PBRM1: variants seen among roughly 807,000 people sequenced by gnomAD.
PBRM1 encodes polybromo 1.
A neutral mutation model predicts 194.5 loss-of-function variants in PBRM1; 27 were observed. That is an observed-to-expected ratio of 0.14 (90% CI 0.10 to 0.19). The LOEUF (loss-of-function observed/expected upper bound fraction) is 0.19, where lower values mean the gene tolerates loss of function less well. Ranked by LOEUF, PBRM1 falls within the 10% of genes least tolerant of loss-of-function variation. The pLI is 1.00. For missense variants in PBRM1, 1,466 were observed against 2,077.2 expected (o/e 0.71, Z 5.72); for synonymous variants, 655 against 693.2 (o/e 0.94, Z 0.87).
At chr3:52,565,272 G>T (rs1215304604) in intron 22 of PBRM1, among the ~76,000 whole-genome samples, 1 of 151,996 alleles carries the variant, frequency 6.6e-6, no homozygotes, top group South Asian at 2.1e-4. Flanking sequence ...TTGGGAGGCC[G>T]AGGAGGGTGG....
intron 10 of PBRM1, among the ~76,000 whole-genome samples, chr3:52,635,869 ATTTAT>A (rs765296130): frequency 4.0e-5 from 6 of 151,648 alleles, no homozygotes; most frequent in Non-Finnish European, 5.9e-5. Context: ...TTTATTTCTT[ATTTAT>A]TTATTTTTGA....
chr3:52,610,008 T>C (rs995766953), intron 15 of PBRM1, 53 bp from the exon 18 acceptor site: 22 of 1,119,492 alleles, frequency 2.0e-5, no homozygotes, highest in Non-Finnish European at 2.7e-5. Context: ...CCTAAATTTG[T>C]ATACAGATGG....
At chr3:52,673,004 T>C (rs1422200467) in intron 2 of PBRM1, among the ~76,000 whole-genome samples, 1 of 152,066 alleles carries the variant, frequency 6.6e-6, no homozygotes, top group African/African-American at 2.4e-5. Context: ...TTAATTTTTT[T>C]GAGACGGAGT....
In PBRM1 at chr3:52,554,231, C is replaced by T. The variant is rs80176797; in HGVS notation, c.4609+493G>A. On this transcript the variant is annotated intron_variant, in intron 27 of 29. Transcript: ENST00000296302. Reference sequence around the variant, plus strand: ...TTCTACCTTAGCAGCTCTGCAATCCCCTTAGAAAGGCTGCTTGAGGAGAAG... The same window carrying T: ...TTCTACCTTAGCAGCTCTGCAATCCTCTTAGAAAGGCTGCTTGAGGAGAAG... Among the ~76,000 whole-genome samples the T allele has an allele frequency of 3.1e-4, 47 of 152,302 alleles. No homozygotes were observed. In the East Asian group the frequency reaches 8.9e-3, roughly 29 times the overall value.
At chr3:52,625,327 A>G (rs560488707) in intron 13 of PBRM1, among the ~76,000 whole-genome samples, 1 of 152,266 alleles carries the variant, frequency 6.6e-6, no homozygotes, top group African/African-American at 2.4e-5. Context: ...AAACCTCTCA[A>G]CATGACTGAT....
chr3:52,670,745 A>C (rs946475318), intron 2 of PBRM1, among the ~76,000 whole-genome samples: 1 of 152,204 alleles, frequency 6.6e-6, no homozygotes, highest in African/African-American at 2.4e-5. Context: ...CTGTAGTCCC[A>C]GCTACTTGGG....
chr3:52,650,881 C>T (rs1307895123), intron 6 of PBRM1, among the ~76,000 whole-genome samples: 1 of 152,142 alleles, frequency 6.6e-6, no homozygotes, highest in Non-Finnish European at 1.5e-5. Flanking sequence ...CCTATACTTT[C>T]CCTTACTTCT....
At position 52,549,762 on chromosome 3, in the gene PBRM1, G is replaced by A. The variant is rs150050259; in HGVS notation, c.4897+659C>T. 5.0e-3 allele frequency among the ~76,000 whole-genome samples: 756 copies of A among 151,552 alleles called. 2 individuals are homozygous for A. The highest frequency in any genetic ancestry group is 8.2e-3 in the Non-Finnish European group (554 of 67,848). On this transcript the variant is annotated intron_variant, in intron 29 of 29. Coordinates refer to ENST00000296302, the Ensembl canonical transcript of PBRM1. ...TCTACTAAAGATAAAAAAATTAGCT[G>A]GGCGTGGTGCTGAGCACCTGTAATT...
chr3:52,576,431 G>A (rs971423367), intron 22 of PBRM1, 110 bp downstream of exon 24: 1 of 652,484 alleles, frequency 1.5e-6, no homozygotes, highest in Non-Finnish European at 2.4e-6. Context: ...CAGAGATTTG[G>A]ATTTGGGCAC....
At chr3:52,605,918 A>G (rs1202806069) in intron 16 of PBRM1, among the ~76,000 whole-genome samples, 1 of 150,864 alleles carries the variant, frequency 6.6e-6, no homozygotes. Context: ...AAGGTTTTAA[A>G]TATCTTTTGG....
chr3:52,603,698 G>T, exon 17 of PBRM1: 1 of 1,606,986 alleles, frequency 6.2e-7, no homozygotes, highest in East Asian at 2.2e-5. Flanking sequence ...AACTGCTGAA[G>T]TTCTACTGCA....
chr3:52,558,956 A>T (rs1353973815), intron 25 of PBRM1, among the ~76,000 whole-genome samples: 1 of 152,242 alleles, frequency 6.6e-6, no homozygotes, highest in Non-Finnish European at 1.5e-5. Flanking sequence ...AGGGAAAAGT[A>T]GCTGACTGCC....
At chr3:52,675,624 T>C (rs2097081365) in intron 2 of PBRM1, among the ~76,000 whole-genome samples, 2 of 152,200 alleles carry the variant, frequency 1.3e-5, no homozygotes, top group South Asian at 4.1e-4. Flanking sequence ...TGCCACTGAA[T>C]ATGTTGTTCA....
chr3:52,671,570 C>T (rs998689307), intron 2 of PBRM1, among the ~76,000 whole-genome samples: 4 of 152,222 alleles, frequency 2.6e-5, no homozygotes, highest in African/African-American at 4.8e-5. Flanking sequence ...AGAACTTGTG[C>T]AAGTTCTCAC....
intron 27 of PBRM1, among the ~76,000 whole-genome samples, chr3:52,552,537 C>T (rs542351120): frequency 6.6e-6 from 1 of 152,322 alleles, no homozygotes; most frequent in East Asian, 1.9e-4. Flanking sequence ...ACCTCAGCCT[C>T]ACAAAGTGCT....
intron 17 of PBRM1, among the ~76,000 whole-genome samples, chr3:52,598,850 C>T (rs936034568): frequency 5.3e-5 from 8 of 151,912 alleles, no homozygotes; most frequent in Non-Finnish European, 5.9e-5. Flanking sequence ...GGTGAAGCCC[C>T]GTCTCTACTA....
chr3:52,640,137 A>G (rs1351907443), intron 10 of PBRM1, among the ~76,000 whole-genome samples: 1 of 152,110 alleles, frequency 6.6e-6, no homozygotes, highest in East Asian at 1.9e-4. Context: ...TTATCTGTGT[A>G]ATGATCTCTG....
intron 20 of PBRM1, among the ~76,000 whole-genome samples, chr3:52,582,705 C>A (rs748198745): frequency 4.6e-5 from 7 of 152,082 alleles, no homozygotes; most frequent in Non-Finnish European, 7.4e-5. Flanking sequence ...AAATCACATT[C>A]TTTCCCAGCC....
intron 22 of PBRM1, among the ~76,000 whole-genome samples, chr3:52,574,579 C>G (rs1423643326): frequency 1.3e-5 from 2 of 152,164 alleles, no homozygotes; most frequent in Non-Finnish European, 2.9e-5. Context: ...TGAAAAGTTT[C>G]CACACATTCC....
Sources: gnomAD v4.1 joint callset for allele counts (sites outside exome capture counted in the v4.1 genomes callset) on GRCh38, gnomAD v4.1.1 for gene constraint, MANE v1.5 for transcripts, NCBI Gene and HGNC (gene_info 2026-07-23, HGNC 2026-07-21) for gene names.